The following AMT variants were observed in gnomAD, a reference collection of about 807,000 sequenced individuals.
The protein encoded by AMT is aminomethyltransferase, mitochondrial.
AMT carries 24 observed loss-of-function variants against 39.5 expected under a neutral mutation model. The ratio of observed to expected loss-of-function variants is 0.61; its 90% CI spans 0.44 to 0.86. The LOEUF (loss-of-function observed/expected upper bound fraction) is 0.86. AMT is among the 40% of genes least tolerant of loss of function. AMT has a pLI of 0.00. For synonymous variants in AMT, 210 were observed against 212.1 expected (o/e 0.99, Z 0.09); for missense variants, 501 against 537.0 (o/e 0.93, Z 0.66).
chr3:49,420,332 G>A lies in AMT; in HGVS notation c.350C>T (p.Ser117Leu), dbSNP rs769468125. Reference protein sequence around the residue: ...AELRPNQGTLSLFTNEAGGIL... With the variant: ...AELRPNQGTLLLFTNEAGGIL... The stretch of plus-strand genomic sequence containing the variant: ...GCCTCCAGCCTCGTTGGTAAACAGC[G>A]ACAGTGTCCCCTAGGACCAAAGTGG... Residue 117 changes from serine (S) to leucine (L), a missense_variant, in exon 4 of 9, where the codon TCG (serine) becomes TTG (leucine). Transcript: ENST00000273588. 27 of 1,614,010 alleles carry A rather than the reference G, an allele frequency of 1.7e-5. No homozygotes were observed. Among genetic ancestry groups the A allele is most frequent in the Non-Finnish European group, 2.1e-5 (25 of 1,180,028 alleles).
At chr3:49,421,470 G>A (rs912489844) in intron 3 of AMT, 22 bp downstream of exon 3, 2 of 1,604,698 alleles carry the variant, frequency 1.2e-6, no homozygotes, top group Non-Finnish European at 1.7e-6. Context: ...AAAACTCATA[G>A]AGCAGAAATA....
At chr3:49,418,925 C>G (rs2049048376) in intron 7 of AMT, 46 bp downstream of exon 7, 1 of 1,603,540 alleles carries the variant, frequency 6.2e-7, no homozygotes, top group South Asian at 1.1e-5. Context: ...TATCAAGGGT[C>G]ACCCTGACCT....
Position 49,420,350 on chromosome 3 carries a change from CA to C in AMT, c.340-9del. 6.2e-7 allele frequency: 1 copy of C among 1,614,064 alleles called. No homozygotes were observed. Among genetic ancestry groups the C allele is most frequent in the Non-Finnish European group, 8.5e-7 (1 of 1,180,012 alleles). ...AAACAGCGACAGTGTCCCCTAGGAC[CA>C]AAGTGGAGCGTTTTGGCTTCCAGGT... On this transcript the variant is annotated splice_polypyrimidine_tract_variant and intron_variant, in intron 3 of 8. Coordinates refer to ENST00000273588, the MANE Select transcript of AMT (RefSeq NM_000481.4).
At position 49,417,616 on chromosome 3, in the gene AMT, T is replaced by G. The variant is rs201189946; in HGVS notation, c.1136A>C (p.Glu379Ala). ...YSRPGTMLLV[E>A]VRRKQQMAVV... is the part of the protein sequence containing the mutation. The stretch of plus-strand genomic sequence containing the variant: ...AGCCATCTGCTGCTTCCGCCGCACC[T>G]CTACCAGCAGCATTGTCCCTGGACG... The change falls in exon 9 of 9, where the codon GAG (glutamate) becomes GCG (alanine). Residue 379 changes from glutamate (E) to alanine (A), a missense_variant. Coordinates refer to ENST00000273588, the MANE Select transcript of AMT (RefSeq NM_000481.4). The G allele has an allele frequency of 2.7e-4, 441 of 1,614,024 alleles. No individual in the cohort carries two copies. Among genetic ancestry groups the G allele is most frequent in the Non-Finnish European group, 3.5e-4 (412 of 1,180,040 alleles).
chr3:49,420,147 G>A, intron 4 of AMT, 64 bp downstream of exon 4: 1 of 1,607,320 alleles, frequency 6.2e-7, no homozygotes, highest in South Asian at 1.1e-5. Flanking sequence ...CCCTGTCTTG[G>A]ACAACAAGGA....
At chr3:49,420,467 G>C (rs866802226) in intron 3 of AMT, 125 bp from the exon 4 acceptor site, 3 of 1,435,584 alleles carry the variant, frequency 2.1e-6, no homozygotes, top group African/African-American at 2.8e-5. Flanking sequence ...AGGACTCAGG[G>C]TGTGCAAGGT....
chr3:49,419,700 G>C lies in AMT; in HGVS notation c.550+10C>G, dbSNP rs375440699. On this transcript the variant is annotated intron_variant, in intron 5 of 8. Transcript: ENST00000273588. Reference sequence around the variant, plus strand: ...AAAGGTTGGCTCCAACCCCAGCCCAGCCCTCTCACCTTGCAGAGCTAGCAG... The same window carrying C: ...AAAGGTTGGCTCCAACCCCAGCCCACCCCTCTCACCTTGCAGAGCTAGCAG... 3.7e-5 allele frequency: 59 copies of C among 1,613,954 alleles called. No individual in the cohort carries two copies. Among genetic ancestry groups the C allele is most frequent in the South Asian group, 1.2e-4 (11 of 91,094 alleles).
At position 49,422,229 on chromosome 3, in the gene AMT, G is replaced by A. The variant is rs1244528229; in HGVS notation, c.133C>T (p.His45Tyr). ...GCAAACGCCACCATTTTCCCGCCGT[G>A]GGCCAGGTGGAAGTCATAGAGCGGT... ...RTPLYDFHLA[H>Y]GGKMVAFAGW... Residue 45 changes from histidine to tyrosine, a missense_variant, in exon 2 of 9, where the codon CAC becomes TAC. His to Tyr is a moderately conservative substitution (Grantham distance 83). Coordinates refer to ENST00000273588, the MANE Select transcript of AMT (RefSeq NM_000481.4). 1.2e-6 allele frequency: 2 copies of A among 1,613,970 alleles called. No individual in the cohort carries two copies. The highest frequency in any genetic ancestry group is 4.5e-5 in the East Asian group (2 of 44,898).
At chr3:49,418,587 C>T (rs529819546) in intron 7 of AMT, 113 of 230,352 alleles carry the variant, frequency 4.9e-4, no homozygotes, top group South Asian at 2.3e-3. Flanking sequence ...CTGCAAACTC[C>T]GCCGCCCAGG....
At chr3:49,419,882 AGAGGAG>A (rs1388826028) in intron 4 of AMT, 94 bp from the exon 5 acceptor site, 3 of 1,216,072 alleles carry the variant, frequency 2.5e-6, no homozygotes, top group South Asian at 1.2e-5. Context: ...AGGACAGTGG[AGAGGAG>A]GAGGAGGAGG....
intron 3 of AMT, chr3:49,421,237 A>G (rs1474175087): frequency 5.8e-6 from 3 of 513,456 alleles, no homozygotes; most frequent in East Asian, 7.1e-5. Context: ...AGAGGGGTTA[A>G]GCAGAAGGGA....
At position 49,421,576 on chromosome 3, in the gene AMT, G is replaced by A. The variant is rs769933849; in HGVS notation, c.259-4C>T. 3.1e-6 allele frequency: 5 copies of A among 1,613,836 alleles called. No individual in the cohort carries two copies. The highest frequency in any genetic ancestry group is 4.2e-6 in the Non-Finnish European group (5 of 1,179,728). ...GGTCACTACCAAGTATCTTGGTCTG[G>A]GGAAGAGATTGAAAGCCTCAGGCCA... is the stretch of plus-strand genomic sequence containing the variant. On this transcript the variant is annotated splice_polypyrimidine_tract_variant and splice_region_variant and intron_variant, in intron 2 of 8. Coordinates refer to ENST00000273588, the MANE Select transcript of AMT (RefSeq NM_000481.4).
chr3:49,421,675 C>T (rs1374661800), intron 2 of AMT, 103 bp from the exon 3 acceptor site: 6 of 1,060,134 alleles, frequency 5.7e-6, no homozygotes, highest in Non-Finnish European at 8.8e-6. Context: ...CAGTCCAGCC[C>T]ACCCAAAGTG....
chr3:49,422,270 T>G lies in AMT; in HGVS notation c.92A>C (p.Glu31Ala). ...ATAGAGCGGTGTCCTGCGGAGCACCTCCTGTGGGCGGCTGGGCTTAGTGCC... is the reference window on the plus strand; with the variant it reads ...ATAGAGCGGTGTCCTGCGGAGCACCGCCTGTGGGCGGCTGGGCTTAGTGCC... The part of the protein sequence containing the change: ...ALCRPLSCAQ[E>A]VLRRTPLYDF... Residue 31 changes from glutamate to alanine, a missense_variant and splice_region_variant, in exon 2 of 9, where the codon GAG (glutamate) becomes GCG (alanine). Glu to Ala is a moderately radical substitution (Grantham distance 107, BLOSUM62 -1). Coordinates refer to ENST00000273588, the MANE Select transcript of AMT (RefSeq NM_000481.4). The G allele has an allele frequency of 1.9e-6, 3 of 1,613,898 alleles. No homozygotes were observed. Among genetic ancestry groups the G allele is most frequent in the Non-Finnish European group, 2.5e-6 (3 of 1,179,948 alleles).
In AMT at chr3:49,417,868, G is replaced by T. The variant is rs2049026093; in HGVS notation, c.983C>A (p.Ala328Asp). Residue 328 changes from alanine to aspartate, a missense_variant, in exon 8 of 9, where the codon GCC (alanine) becomes GAC (aspartate). By Grantham distance (126) the Ala-to-Asp change is moderately radical (BLOSUM62 -2). Coordinates refer to ENST00000273588, the MANE Select transcript of AMT (RefSeq NM_000481.4). ...GATGGGACTGTGTGCCCGCATGGGG[G>T]CCCCCTCACACATCAACCCCACACG... is the stretch of plus-strand genomic sequence containing the variant. ...RRRVGLMCEG[A>D]PMRAHSPILN... The T allele has an allele frequency of 2.5e-6, 4 of 1,613,868 alleles. No homozygotes were observed. The highest frequency in any genetic ancestry group is 3.4e-6 in the Non-Finnish European group (4 of 1,180,012).
chr3:49,421,435 G>T, intron 3 of AMT, 57 bp downstream of exon 3: 1 of 1,422,260 alleles, frequency 7.0e-7, no homozygotes, highest in Non-Finnish European at 9.9e-7. Context: ...TAGGGACTCA[G>T]CCCATTTGCT....
chr3:49,419,022 C>G lies in AMT; in HGVS notation c.826G>C (p.Asp276His), dbSNP rs121964984. 1.9e-6 allele frequency: 3 copies of G among 1,614,080 alleles called. No homozygotes were observed. In the East Asian group the frequency reaches 6.7e-5, roughly 36 times the overall value. Reference sequence around the variant, plus strand: ...ACAGGTGTAGTGTGTTCATCAATGTCATTCCCATACAGGCAGAGGCCTGCC... The same window carrying G: ...ACAGGTGTAGTGTGTTCATCAATGTGATTCCCATACAGGCAGAGGCCTGCC... ...LEAGLCLYGN[D>H]IDEHTTPVEG... Residue 276 changes from aspartate (D) to histidine (H), a missense_variant, in exon 7 of 9, where the codon GAC (aspartate) becomes CAC (histidine). Transcript: ENST00000273588.
In AMT at chr3:49,419,373, C is replaced by T. The variant is rs372496075; in HGVS notation, c.583G>A (p.Val195Met). 7.7e-5 allele frequency: 125 copies of T among 1,614,142 alleles called. 1 individual carries two copies. In the South Asian group the frequency reaches 8.0e-4, roughly 10 times the overall value. The change falls in exon 6 of 9, where the codon GTG becomes ATG. Residue 195 changes from valine to methionine, a missense_variant. Val to Met is a conservative substitution (Grantham distance 21, BLOSUM62 1). Transcript: ENST00000273588. ...GGCAGTTTCCTCAGGTCATCTGCCA[C>T]GCCGGCCTGTAGTACCTGGGCTGCA... ...PTAAQVLQAG[V>M]ADDLRKLPFM... is the part of the protein sequence containing the mutation.
intron 3 of AMT, chr3:49,420,634 T>TAG (rs1237900989): frequency 4.7e-6 from 2 of 421,630 alleles, no homozygotes; most frequent in Non-Finnish European, 8.9e-6. Flanking sequence ...CTATGACACC[T>TAG]AGGACCTGCT....
Sources: allele counts gnomAD v4.1 joint callset, GRCh38; gene constraint gnomAD v4.1.1; transcripts MANE v1.5; gene names NCBI Gene and HGNC (gene_info 2026-07-23, HGNC 2026-07-21).